Variants in FNIP1 observed in about 807,000 individuals in gnomAD.
FNIP1 encodes the protein folliculin interacting protein 1, also known as folliculin-interacting protein 1.
FNIP1 carries 40 observed loss-of-function variants against 124.5 expected under a neutral mutation model. That is an observed-to-expected ratio of 0.32 (90% confidence interval 0.25 to 0.42). The LOEUF is 0.42. Ranked by LOEUF, FNIP1 falls within the 10% of genes least tolerant of loss-of-function variation. FNIP1 has a pLI of 1.00. For synonymous variants in FNIP1, 472 were observed against 470.6 expected (o/e 1.00, Z -0.04); for missense variants, 1,176 against 1,403.7 (o/e 0.84, Z 2.59).
chr5:131,721,366 T>C (rs1580784009), intron 3 of FNIP1, among the ~76,000 whole-genome samples: 1 of 152,278 alleles, frequency 6.6e-6, no homozygotes, highest in African/African-American at 2.4e-5. Context: ...TACTAATCAA[T>C]GGCATTAAAT....
chr5:131,776,049 G>A (rs888241865), intron 1 of FNIP1, among the ~76,000 whole-genome samples: 9 of 152,152 alleles, frequency 5.9e-5, no homozygotes, highest in African/African-American at 2.2e-4. Context: ...TGTATGCTAT[G>A]TTCATATCTT....
intron 6 of FNIP1, among the ~76,000 whole-genome samples, chr5:131,714,284 C>T (rs1388382508): frequency 6.6e-6 from 1 of 152,220 alleles, no homozygotes; most frequent in East Asian, 1.9e-4. Context: ...CTACCCCTCT[C>T]TCCTTCATTC....
At chr5:131,671,371 A>T in intron 14 of FNIP1, 134 bp downstream of exon 14, 1 of 757,850 alleles carries the variant, frequency 1.3e-6, no homozygotes, top group Admixed American at 3.0e-5. Context: ...CCTTCTTATG[A>T]GTTAAGAGAA....
At chr5:131,768,804 C>T (rs1300350757) in intron 1 of FNIP1, among the ~76,000 whole-genome samples, 2 of 151,962 alleles carry the variant, frequency 1.3e-5, no homozygotes, top group Non-Finnish European at 2.9e-5. Flanking sequence ...GTCTCAAAAA[C>T]TAATAATAAA....
At chr5:131,660,697 T>C (rs921998679) in intron 15 of FNIP1, among the ~76,000 whole-genome samples, 1 of 152,170 alleles carries the variant, frequency 6.6e-6, no homozygotes, top group African/African-American at 2.4e-5. Flanking sequence ...TCTACTACAA[T>C]ACCATAGTCT....
chr5:131,735,761 ATTTG>A (rs939317417), intron 2 of FNIP1, among the ~76,000 whole-genome samples: 4 of 151,210 alleles, frequency 2.6e-5, no homozygotes, highest in African/African-American at 7.3e-5. Context: ...TTAATTTGTT[ATTTG>A]TTTAAGGGGA....
At chr5:131,675,613 T>C (rs573929368) in intron 13 of FNIP1, among the ~76,000 whole-genome samples, 18 of 152,294 alleles carry the variant, frequency 1.2e-4, no homozygotes, top group African/African-American at 4.1e-4. Flanking sequence ...TCAAAGAAAG[T>C]ATATACTGCA....
intron 2 of FNIP1, among the ~76,000 whole-genome samples, chr5:131,738,676 T>C (rs1770401714): frequency 6.8e-6 from 1 of 147,534 alleles, no homozygotes; most frequent in Non-Finnish European, 1.5e-5. Context: ...ATTTTTGTAC[T>C]TTTTTTTTTA....
At chr5:131,787,250 G>C (rs1008742384) in intron 1 of FNIP1, among the ~76,000 whole-genome samples, 1 of 152,186 alleles carries the variant, frequency 6.6e-6, no homozygotes, top group Non-Finnish European at 1.5e-5. Flanking sequence ...TTGGAGTACA[G>C]AGTCTTGTCT....
chr5:131,701,565 A>T (rs1337434293), intron 10 of FNIP1, among the ~76,000 whole-genome samples: 1 of 152,242 alleles, frequency 6.6e-6, no homozygotes, highest in Non-Finnish European at 1.5e-5. Flanking sequence ...TTTGTTCAAT[A>T]AAAATGTATT....
In FNIP1 at chr5:131,677,923, T is replaced by C. The variant is rs938051532; in HGVS notation, c.1350-51A>G. 6 of 1,564,324 alleles carry C rather than the reference T, an allele frequency of 3.8e-6. No individual in the cohort carries two copies. The African/African-American group carries it at 7.2e-5, about 19-fold the overall frequency. Reference sequence around the variant, plus strand: ...ATTCCAATCAGTCTTCATGAAACCTTAGGTAAAATGTAGTGAAAAAGTAAG... The same window carrying C: ...ATTCCAATCAGTCTTCATGAAACCTCAGGTAAAATGTAGTGAAAAAGTAAG... On this transcript the variant is annotated intron_variant, in intron 12 of 17. Coordinates refer to ENST00000510461, the MANE Select transcript of FNIP1 (RefSeq NM_133372.3).
At chr5:131,784,779 G>A (rs1772106871) in intron 1 of FNIP1, among the ~76,000 whole-genome samples, 1 of 150,716 alleles carries the variant, frequency 6.6e-6, no homozygotes, top group African/African-American at 2.4e-5. Context: ...CCATGACCAC[G>A]CCACTGCACT....
At chr5:131,663,574 T>C (rs1050196784) in intron 15 of FNIP1, among the ~76,000 whole-genome samples, 1 of 152,254 alleles carries the variant, frequency 6.6e-6, no homozygotes, top group African/African-American at 2.4e-5. Context: ...AAAGTTTATA[T>C]ATTTAGTCTA....
intron 3 of FNIP1, among the ~76,000 whole-genome samples, chr5:131,725,413 C>T (rs1769827703): frequency 6.6e-6 from 1 of 152,198 alleles, no homozygotes; most frequent in African/African-American, 2.4e-5. Context: ...AGAGGTCCTT[C>T]ACATACCTTG....
intron 2 of FNIP1, among the ~76,000 whole-genome samples, chr5:131,737,965 G>C (rs1357871056): frequency 6.6e-6 from 1 of 152,180 alleles, no homozygotes; most frequent in East Asian, 1.9e-4. Context: ...CAGGGTAGTG[G>C]GGATATGGTT....
chr5:131,651,998 T>C lies in FNIP1; in HGVS notation c.3110A>G (p.His1037Arg). Residue 1037 changes from histidine to arginine, a missense_variant and splice_region_variant, in exon 16 of 18, where the codon CAT (histidine) becomes CGT (arginine). Coordinates refer to ENST00000510461, the MANE Select transcript of FNIP1 (RefSeq NM_133372.3). ...TGCTATTGGTTCATCCAAAACTGGA[T>C]GCTGGAAATAAAAGAATAATTCATC... The part of the protein sequence containing the change: ...LMSDLSHAVQ[H>R]PVLDEPIAEA... 1 of 1,610,198 alleles carries C rather than the reference T, an allele frequency of 6.2e-7. No individual in the cohort carries two copies. Among genetic ancestry groups the C allele is most frequent in the East Asian group, 2.2e-5 (1 of 44,792 alleles).
chr5:131,681,967 T>C (rs191441537), intron 11 of FNIP1, among the ~76,000 whole-genome samples: 1 of 152,276 alleles, frequency 6.6e-6, no homozygotes, highest in Admixed American at 6.5e-5. Flanking sequence ...ACATTTCGTA[T>C]ACTTTTTAAT....
At chr5:131,754,964 G>T (rs1019525279) in intron 1 of FNIP1, among the ~76,000 whole-genome samples, 1 of 152,198 alleles carries the variant, frequency 6.6e-6, no homozygotes, top group Non-Finnish European at 1.5e-5. Flanking sequence ...TAAAGGATGA[G>T]AATGGCTGAC....
At chr5:131,670,005 A>G (rs781598378) in intron 15 of FNIP1, among the ~76,000 whole-genome samples, 4 of 152,148 alleles carry the variant, frequency 2.6e-5, no homozygotes, top group Non-Finnish European at 5.9e-5. Context: ...CACTGATAAC[A>G]TGAGCCTGTG....
Sources: allele counts gnomAD v4.1 joint callset (sites outside exome capture counted in the v4.1 genomes callset), GRCh38; gene constraint gnomAD v4.1.1; transcripts MANE v1.5; gene names NCBI Gene and HGNC (gene_info 2026-07-23, HGNC 2026-07-21).